Variants in CCDC149 observed in about 807,000 individuals in gnomAD.
CCDC149 encodes coiled-coil domain-containing protein 149.
A neutral mutation model predicts 59.9 loss-of-function variants in CCDC149; 45 were observed. The observed-to-expected ratio is 0.75, with a 90% CI of 0.59 to 0.96. The LOEUF (loss-of-function observed/expected upper bound fraction) is 0.96, where lower values mean the gene tolerates loss of function less well. CCDC149 is among the 40% of genes least tolerant of loss of function. CCDC149 has a pLI of 0.00. For synonymous variants in CCDC149, 245 were observed against 260.6 expected (o/e 0.94, Z 0.58); for missense variants, 584 against 664.7 (o/e 0.88, Z 1.33).
chr4:24,902,735 AT>A (rs1468654752), intron 1 of CCDC149, among the ~76,000 whole-genome samples: 2 of 152,204 alleles, frequency 1.3e-5, no homozygotes, highest in African/African-American at 4.8e-5. Flanking sequence ...AAGAATGAAT[AT>A]TTTAAGCCAG....
chr4:24,903,516 G>T (rs1577470424), intron 1 of CCDC149, among the ~76,000 whole-genome samples: 2 of 152,258 alleles, frequency 1.3e-5, no homozygotes, highest in Admixed American at 1.3e-4. Flanking sequence ...AAGGAGTAAA[G>T]CTCTCTGTAG....
In CCDC149 at chr4:24,912,956, C is replaced by A; in HGVS notation, c.-77G>T. On this transcript the variant is annotated 5_prime_UTR_variant, in exon 1 of 13. Transcript: ENST00000635206. ...CGTCGCCGCCGCCGCCCGGGCCCCG[C>A]GCGGCCCCGAGAGGGCCCGGCGCCT... 2 of 849,692 alleles carry A rather than the reference C, an allele frequency of 2.4e-6. No individual in the cohort carries two copies. The highest frequency in any genetic ancestry group is 3.0e-6 in the Non-Finnish European group (2 of 663,898). 52.6% of individuals were successfully genotyped at this position (849,692 alleles called of 1,614,324 possible).
intron 1 of CCDC149, among the ~76,000 whole-genome samples, chr4:24,936,930 GT>G (rs1446577348): frequency 6.6e-6 from 1 of 152,248 alleles, no homozygotes; most frequent in East Asian, 1.9e-4. Context: ...GGTAAAATCA[GT>G]TTTAATTACA....
chr4:24,828,613 A>C (rs1472046668), intron 9 of CCDC149: 1 of 152,086 alleles, frequency 6.6e-6, no homozygotes, highest in Non-Finnish European at 1.5e-5. Context: ...CCCTATCTCT[A>C]CTAAAAAAAT....
intron 3 of CCDC149, among the ~76,000 whole-genome samples, chr4:24,873,015 GTGGTATGCACCCACCAAA>G (rs1173790802): frequency 0.031 from 3,980 of 127,116 alleles, 193 homozygotes; most frequent in African/African-American, 0.11. Flanking sequence ...CACCCACCAA[GTGGTATGCACCCACCAAA>G]TGGTATGCAC....
chr4:24,881,901 G>A (rs1238737933), intron 1 of CCDC149, among the ~76,000 whole-genome samples: 1 of 152,164 alleles, frequency 6.6e-6, no homozygotes, highest in African/African-American at 2.4e-5. Flanking sequence ...AATGTGCCAA[G>A]GGATTGCGAA....
rs372560848 is a variant in CCDC149 at position 24,841,614 on chromosome 4, G to A, written c.373-3342C>T. Among the ~76,000 whole-genome samples the A allele has an allele frequency of 3.3e-5, 5 of 152,324 alleles. No individual in the cohort carries two copies. The East Asian group carries it at 5.8e-4, about 18-fold the overall frequency. ...GCTGAGGGGGTCTAAGGACGTCACC[G>A]CAGAGGAGATGGCAGAGCCCCAGGG... On this transcript the variant is annotated intron_variant, in intron 4 of 12. Coordinates refer to ENST00000635206, the MANE Select transcript of CCDC149 (RefSeq NM_001330643.2).
At chr4:24,899,014 G>A (rs1721004824) in intron 1 of CCDC149, among the ~76,000 whole-genome samples, 1 of 152,152 alleles carries the variant, frequency 6.6e-6, no homozygotes, top group Non-Finnish European at 1.5e-5. Flanking sequence ...CTTTCATTCT[G>A]CAGTCCCTAG....
intron 4 of CCDC149, among the ~76,000 whole-genome samples, chr4:24,842,994 G>A (rs1210361717): frequency 6.6e-6 from 1 of 151,630 alleles, no homozygotes; most frequent in African/African-American, 2.4e-5. Flanking sequence ...AACCCTGGTG[G>A]GCTACATGTG....
chr4:24,854,801 A>G (rs1306562696), intron 3 of CCDC149, among the ~76,000 whole-genome samples: 2 of 152,146 alleles, frequency 1.3e-5, no homozygotes, highest in Non-Finnish European at 2.9e-5. Flanking sequence ...CCCCACACAG[A>G]CCAGGCATGA....
intron 1 of CCDC149, among the ~76,000 whole-genome samples, chr4:24,950,819 CTGGGGCCTGTGTAG>C (rs1723264629): frequency 6.6e-6 from 1 of 152,176 alleles, no homozygotes; most frequent in Non-Finnish European, 1.5e-5. Context: ...ATTCAGGGGT[CTGGGGCCTGTGTAG>C]CCACCATTCA....
At chr4:24,950,691 T>C (rs1191220714) in intron 1 of CCDC149, among the ~76,000 whole-genome samples, 2 of 152,254 alleles carry the variant, frequency 1.3e-5, no homozygotes, top group Non-Finnish European at 2.9e-5. Flanking sequence ...AGGGTGGCAG[T>C]GGAGGGTAAT....
At chr4:24,847,631 C>A (rs1011323942) in intron 4 of CCDC149, among the ~76,000 whole-genome samples, 4 of 152,148 alleles carry the variant, frequency 2.6e-5, no homozygotes, top group African/African-American at 9.7e-5. Context: ...TTAAACAATT[C>A]GATGAGAGGC....
At chr4:24,939,859 G>C (rs1474381877) in intron 1 of CCDC149, among the ~76,000 whole-genome samples, 1 of 152,192 alleles carries the variant, frequency 6.6e-6, no homozygotes, top group Admixed American at 6.5e-5. Context: ...AGAATAAAAA[G>C]AAACAAACAA....
intron 4 of CCDC149, among the ~76,000 whole-genome samples, chr4:24,839,031 C>T: frequency 1.2e-5 from 1 of 84,932 alleles, no homozygotes; most frequent in Non-Finnish European, 2.6e-5. Flanking sequence ...CTCTCTCTCA[C>T]ACACACACAC....
chr4:24,832,296 T>C (rs1452980626), intron 8 of CCDC149, among the ~76,000 whole-genome samples: 2 of 152,156 alleles, frequency 1.3e-5, no homozygotes, highest in Non-Finnish European at 2.9e-5. Flanking sequence ...TAAAATCGAC[T>C]TAAAGAAAAA....
At chr4:24,972,455 G>A (rs1022982161) in intron 1 of CCDC149, among the ~76,000 whole-genome samples, 54 of 152,042 alleles carry the variant, frequency 3.6e-4, no homozygotes, top group African/African-American at 1.2e-3. Context: ...CTACAGGCAC[G>A]CACTACCACG....
chr4:24,971,164 G>A (rs912908857), intron 1 of CCDC149, among the ~76,000 whole-genome samples: 1 of 152,216 alleles, frequency 6.6e-6, no homozygotes. Flanking sequence ...GACCCTTACT[G>A]ACGACCCCCT....
At chr4:24,867,163 C>T (rs1718754262) in intron 3 of CCDC149, among the ~76,000 whole-genome samples, 1 of 152,196 alleles carries the variant, frequency 6.6e-6, no homozygotes, top group Non-Finnish European at 1.5e-5. Flanking sequence ...ATCCAGTATT[C>T]ATTGAGCACT....
Sources: gnomAD v4.1 joint callset for allele counts (sites outside exome capture counted in the v4.1 genomes callset) on GRCh38, gnomAD v4.1.1 for gene constraint, MANE v1.5 for transcripts, NCBI Gene and HGNC (gene_info 2026-07-23, HGNC 2026-07-21) for gene names.